NALCN: variants seen among roughly 807,000 people sequenced by gnomAD.
NALCN encodes the protein sodium leak channel NALCN.
A neutral mutation model predicts 225.3 loss-of-function variants in NALCN; 111 were observed. The ratio of observed to expected loss-of-function variants is 0.49; its 90% CI spans 0.42 to 0.58. NALCN has a LOEUF of 0.58. Ranked by LOEUF, NALCN falls within the 20% of genes least tolerant of loss-of-function variation. The pLI, the probability that NALCN is intolerant of heterozygous loss-of-function variation, is 0.00. For missense variants in NALCN, 1,378 were observed against 2,202.4 expected, an observed-to-expected ratio of 0.63 and a Z score of 7.49; for synonymous variants, 764 against 769.0, an observed-to-expected ratio of 0.99 and a Z score of 0.11.
At chr13:101,094,013 G>T (rs2034371129) in intron 28 of NALCN, among the ~76,000 whole-genome samples, 1 of 152,192 alleles carries the variant, frequency 6.6e-6, no homozygotes, top group Non-Finnish European at 1.5e-5. Flanking sequence ...TCTGGCCATA[G>T]GTGTTCAAGA....
chr13:101,259,734 A>G (rs970795267), intron 10 of NALCN, among the ~76,000 whole-genome samples: 23 of 68,692 alleles, frequency 3.3e-4, no homozygotes, highest in African/African-American at 7.6e-4. Context: ...TAGTAAGTGT[A>G]TATATATATA....
intron 7 of NALCN, among the ~76,000 whole-genome samples, chr13:101,312,197 G>A (rs962093041): frequency 3.9e-5 from 6 of 151,970 alleles, no homozygotes; most frequent in Non-Finnish European, 5.9e-5. Context: ...CTGTGGGATC[G>A]GTGGTGATAT....
At chr13:101,270,106 CATG>C (rs1263414428) in intron 10 of NALCN, among the ~76,000 whole-genome samples, 2 of 152,164 alleles carry the variant, frequency 1.3e-5, no homozygotes, top group African/African-American at 4.8e-5. Context: ...TTTGAATATA[CATG>C]ATGTTTTATA....
intron 3 of NALCN, among the ~76,000 whole-genome samples, chr13:101,386,740 G>A (rs1259057366): frequency 6.6e-6 from 1 of 152,010 alleles, no homozygotes; most frequent in Admixed American, 6.6e-5. Context: ...TTATAAACTA[G>A]GTATCATTGG....
intron 3 of NALCN, among the ~76,000 whole-genome samples, chr13:101,392,087 AC>A (rs2047163889): frequency 6.6e-6 from 1 of 152,054 alleles, no homozygotes; most frequent in African/African-American, 2.4e-5. Context: ...CTGCAAAGGA[AC>A]CCCCACAAAA....
chr13:101,067,035 G>T (rs959588667), intron 39 of NALCN, among the ~76,000 whole-genome samples: 1 of 151,718 alleles, frequency 6.6e-6, no homozygotes, highest in Non-Finnish European at 1.5e-5. Context: ...TTTATTATTT[G>T]TCTCCACCTA....
Position 101,054,254 on chromosome 13 carries a change from G to C in NALCN, c.*1041C>G, listed in dbSNP as rs2030928457. 2 of 152,212 alleles carry C rather than the reference G, an allele frequency of 1.3e-5. No individual in the cohort carries two copies. Among genetic ancestry groups the C allele is most frequent in the Admixed American group, 1.3e-4 (2 of 15,274 alleles). The allele number at this position is 152,212 out of a possible 1,614,324, so 9.4% of individuals were successfully genotyped here. On this transcript the variant is annotated 3_prime_UTR_variant, in exon 44 of 44. Coordinates refer to ENST00000251127, the MANE Select transcript of NALCN (RefSeq NM_052867.4). ...AACAAAAAACGATTAAGTAAGTTGT[G>C]TGATCCCTAACCTGTGAGTTCAAAG...
At chr13:101,203,312 T>C (rs2040196793) in intron 13 of NALCN, among the ~76,000 whole-genome samples, 1 of 152,168 alleles carries the variant, frequency 6.6e-6, no homozygotes, top group Admixed American at 6.5e-5. Flanking sequence ...ACCTTCCAGG[T>C]TCAAACGATT....
intron 40 of NALCN, among the ~76,000 whole-genome samples, chr13:101,063,921 T>A (rs560367611): frequency 1.3e-5 from 2 of 152,232 alleles, no homozygotes; most frequent in South Asian, 4.1e-4. Flanking sequence ...GGGACATTTC[T>A]TGAAATAATG....
At chr13:101,346,087 C>CTATATATATATATATATATATA (rs71121188) in intron 6 of NALCN, among the ~76,000 whole-genome samples, 4 of 70,938 alleles carry the variant, frequency 5.6e-5, no homozygotes, top group African/African-American at 1.7e-4. Flanking sequence ...CTCTCTCTCT[C>CTATATATATATATATATATATA]TATATATATA....
At chr13:101,055,569 C>T (rs751457172) in intron 43 of NALCN, 81 bp from the exon 44 acceptor site, 98 of 1,237,988 alleles carry the variant, frequency 7.9e-5, no homozygotes, top group Non-Finnish European at 1.1e-4. Context: ...ATGATATTCC[C>T]ATCAGTGATA....
chr13:101,389,355 T>C (rs1407359649), intron 3 of NALCN, among the ~76,000 whole-genome samples: 1 of 152,146 alleles, frequency 6.6e-6, no homozygotes, highest in Non-Finnish European at 1.5e-5. Context: ...CAGGTTAATG[T>C]AAAACAAAGG....
At chr13:101,295,018 G>C (rs1451818410) in intron 7 of NALCN, among the ~76,000 whole-genome samples, 9 of 152,042 alleles carry the variant, frequency 5.9e-5, no homozygotes, top group Non-Finnish European at 1.3e-4. Flanking sequence ...GCCTAGAAGA[G>C]CCCTGGCAAG....
At chr13:101,133,125 A>G (rs1247025596) in intron 17 of NALCN, among the ~76,000 whole-genome samples, 1 of 152,242 alleles carries the variant, frequency 6.6e-6, no homozygotes, top group Non-Finnish European at 1.5e-5. Flanking sequence ...AAGTAACCAC[A>G]GACCTATCTT....
chr13:101,271,749 C>T (rs538659582), intron 10 of NALCN, among the ~76,000 whole-genome samples: 4 of 149,434 alleles, frequency 2.7e-5, no homozygotes, highest in East Asian at 4.0e-4. Flanking sequence ...ACTGAGTATG[C>T]GTGAGGTGTG....
chr13:101,065,535 C>T lies in NALCN; in HGVS notation c.4473G>A (p.Lys1491=), dbSNP rs1245462603. The stretch of plus-strand genomic sequence containing the variant: ...TCCCACGCAGTAGCCGCAGCAGGAA[C>T]TTGACGCGGAACGTGGGGATCACCC... The part of the protein sequence containing the change: ...REGVIPTFRV[K]FLLRLLRGRL... Residue 1491 remains lysine (K), a synonymous_variant, in exon 40 of 44, where the codon AAG becomes AAA. Coordinates refer to ENST00000251127, the MANE Select transcript of NALCN (RefSeq NM_052867.4). 6.2e-7 allele frequency: 1 copy of T among 1,614,076 alleles called. No homozygotes were observed. Among genetic ancestry groups the T allele is most frequent in the Admixed American group, 1.7e-5 (1 of 60,022 alleles).
intron 7 of NALCN, among the ~76,000 whole-genome samples, chr13:101,318,052 T>C (rs962566165): frequency 2.0e-5 from 3 of 152,222 alleles, no homozygotes; most frequent in African/African-American, 4.8e-5. Flanking sequence ...TTCCTTAATC[T>C]GCTCTATCCC....
At chr13:101,061,934 G>A (rs150676137) in intron 41 of NALCN, 34 bp downstream of exon 41, 46 of 1,588,500 alleles carry the variant, frequency 2.9e-5, no homozygotes, top group South Asian at 2.1e-4. Flanking sequence ...GGGGCGGGGC[G>A]GGGACCCAAC....
chr13:101,354,967 C>T (rs115074683), intron 6 of NALCN, among the ~76,000 whole-genome samples: 3,242 of 152,264 alleles, frequency 0.021, 128 homozygotes, highest in African/African-American at 0.074. Flanking sequence ...GGGCAGAACC[C>T]TCATGAATGG....
Sources: allele counts gnomAD v4.1 joint callset (sites outside exome capture counted in the v4.1 genomes callset), GRCh38; gene constraint gnomAD v4.1.1; transcripts MANE v1.5; gene names NCBI Gene and HGNC (gene_info 2026-07-23, HGNC 2026-07-21).